The following TUBGCP2 variants were observed in gnomAD, a reference collection of about 807,000 sequenced individuals.
TUBGCP2 encodes the protein gamma-tubulin complex component 2.
A neutral mutation model predicts 92.2 loss-of-function variants in TUBGCP2; 55 were observed. The ratio of observed to expected loss-of-function variants is 0.60; its 90% CI spans 0.48 to 0.75. The LOEUF (loss-of-function observed/expected upper bound fraction) is 0.75, where lower values mean the gene tolerates loss of function less well. Ranked by LOEUF, TUBGCP2 falls within the 30% of genes least tolerant of loss-of-function variation. The pLI, the probability that TUBGCP2 is intolerant of heterozygous loss-of-function variation, is 0.00. For missense variants in TUBGCP2, 1,093 were observed against 1,188.9 expected (o/e 0.92, Z 1.19); for synonymous variants, 533 against 505.2 (o/e 1.06, Z -0.74).
Position 133,289,922 on chromosome 10 carries a change from T to G in TUBGCP2, c.1262A>C (p.Glu421Ala). 4 of 1,564,572 alleles carry G rather than the reference T, an allele frequency of 2.6e-6. No individual in the cohort carries two copies. The highest frequency in any genetic ancestry group is 3.5e-6 in the Non-Finnish European group (4 of 1,155,040). The part of the protein sequence containing the change: ...EHELRKERIQ[E>A]DYNDKYWDQR... ...GTCCCAGTACTTGTCGTTGTAATCC[T>G]CCTGGATCCTCTCCTTCCGCAGCTC... Residue 421 changes from glutamate (E) to alanine (A), a missense_variant, in exon 9 of 18, where the codon GAG (glutamate) becomes GCG (alanine). By Grantham distance (107) the Glu-to-Ala change is moderately radical. This residue lies in a region of TUBGCP2 where 598 missense variants were observed against 675.5 expected (regional missense o/e 0.89). Coordinates refer to ENST00000252936, the MANE Select transcript of TUBGCP2 (RefSeq NM_006659.4).
upstream of TUBGCP2, chr10:133,310,592 T>C (rs1847968952): frequency 1.2e-5 from 5 of 404,270 alleles, no homozygotes; most frequent in Non-Finnish European, 1.8e-5. Flanking sequence ...GGGCCATGCC[T>C]GTACCTCCTG....
At chr10:133,303,763 C>T (rs144100163) in intron 1 of TUBGCP2, among the ~76,000 whole-genome samples, 38 of 152,196 alleles carry the variant, frequency 2.5e-4, no homozygotes, top group African/African-American at 7.7e-4. Context: ...CCGACAGAGA[C>T]GCTTCTGGTA....
Position 133,279,775 on chromosome 10 carries a change from G to A in TUBGCP2, c.2700C>T (p.Thr900=), listed in dbSNP as rs749253324. Residue 900 remains threonine, a synonymous_variant, in exon 18 of 18, where the codon ACC becomes ACT. Transcript: ENST00000252936. ...PPAPAPRVAV[T]AQ Reference sequence around the variant, plus strand: ...CTGTCACAGCCAGGGCTCACTGTGCGGTGACTGCGACCCTGGGTGCAGGAG... The same window carrying A: ...CTGTCACAGCCAGGGCTCACTGTGCAGTGACTGCGACCCTGGGTGCAGGAG... The A allele has an allele frequency of 4.0e-5, 62 of 1,558,660 alleles. 1 individual carries two copies. The Admixed American group carries it at 7.5e-4, about 19-fold the overall frequency.
intron 13 of TUBGCP2, 96 bp downstream of exon 13, chr10:133,284,989 G>A: frequency 6.7e-7 from 1 of 1,488,612 alleles, no homozygotes; most frequent in Non-Finnish European, 8.9e-7. Flanking sequence ...CTAGAAAGCT[G>A]TCTACCAGGA....
At chr10:133,309,665 G>C (rs1185893455), upstream of TUBGCP2, 15 of 1,371,190 alleles carry the variant, frequency 1.1e-5, no homozygotes, top group Middle Eastern at 2.4e-4. Flanking sequence ...GTTTGGGATT[G>C]CAAAAGATGC....
In TUBGCP2 at chr10:133,284,949, C is replaced by T. The variant is rs573416273; in HGVS notation, c.2024+136G>A. On this transcript the variant is annotated intron_variant, in intron 13 of 17. Transcript: ENST00000252936. ...AGCATTATGGATCTAAAGCCACCAACGTGCGCTTCCAGATGACACTTCCAG... is the reference window on the plus strand; with the variant it reads ...AGCATTATGGATCTAAAGCCACCAATGTGCGCTTCCAGATGACACTTCCAG... The T allele has an allele frequency of 2.3e-3, 3,060 of 1,317,526 alleles. 4 individuals are homozygous for T. Among genetic ancestry groups the T allele is most frequent in the Middle Eastern group, 3.3e-3 (12 of 3,620 alleles). The allele number at this position is 1,317,526 out of a possible 1,614,324, so 81.6% of individuals were successfully genotyped here.
chr10:133,294,621 CTTTT>C (rs1168972072), intron 5 of TUBGCP2, among the ~76,000 whole-genome samples: 4 of 150,812 alleles, frequency 2.7e-5, no homozygotes, highest in Admixed American at 1.3e-4. Context: ...TTTTTTTTTC[CTTTT>C]TTTATTTTTG....
upstream of TUBGCP2, chr10:133,312,255 G>A (rs1334052483): frequency 2.5e-5 from 33 of 1,331,578 alleles, no homozygotes; most frequent in Middle Eastern, 2.9e-4. Flanking sequence ...GACCTGTGCC[G>A]TCTGCCTTTC....
intron 2 of TUBGCP2, 62 bp from the exon 3 acceptor site, chr10:133,300,175 C>T (rs1847608547): frequency 1.3e-6 from 2 of 1,561,332 alleles, no homozygotes; most frequent in African/African-American, 1.4e-5. Context: ...TAAAAAAAAA[C>T]CTTTACGAAA....
chr10:133,308,570 G>C (rs1847885301), intron 1 of TUBGCP2: 1 of 160,222 alleles, frequency 6.2e-6, no homozygotes. Context: ...GGGCTGGGAG[G>C]GGACACCCGG....
upstream of TUBGCP2, chr10:133,309,303 G>A: frequency 2.0e-6 from 3 of 1,496,366 alleles, no homozygotes; most frequent in Non-Finnish European, 2.7e-6. Flanking sequence ...AGCGCGGGAT[G>A]ACTGGGGCCA....
intron 2 of TUBGCP2, chr10:133,302,427 C>T: frequency 3.2e-6 from 1 of 308,556 alleles, no homozygotes; most frequent in Admixed American, 4.5e-5. Flanking sequence ...GCTCACCCTG[C>T]ACCCTGCACC....
chr10:133,281,107 G>A (rs1206257371), intron 17 of TUBGCP2, among the ~76,000 whole-genome samples, 166 bp downstream of exon 17: 1 of 65,544 alleles, frequency 1.5e-5, no homozygotes, highest in Non-Finnish European at 3.2e-5. Context: ...CAGGTGCTGG[G>A]CTGAGCTGGG....
intron 1 of TUBGCP2, among the ~76,000 whole-genome samples, chr10:133,306,900 C>A (rs1847832740): frequency 6.6e-6 from 1 of 152,224 alleles, no homozygotes; most frequent in South Asian, 2.1e-4. Flanking sequence ...GAGGAGCCTG[C>A]TGCTCTCCCT....
chr10:133,312,193 C>T, upstream of TUBGCP2: 1 of 1,413,620 alleles, frequency 7.1e-7, no homozygotes, highest in Non-Finnish European at 9.2e-7. Flanking sequence ...TCTAGCGTCA[C>T]CTGTGCCGTC....
chr10:133,290,255 G>A (rs1847251026), intron 8 of TUBGCP2: 1 of 348,688 alleles, frequency 2.9e-6, no homozygotes, highest in African/African-American at 2.0e-5. Context: ...AGCACTTTGG[G>A]AGGCTGAGGT....
chr10:133,288,471 C>T (rs530242801), intron 10 of TUBGCP2, among the ~76,000 whole-genome samples, 162 bp from the exon 11 acceptor site: 71 of 152,084 alleles, frequency 4.7e-4, no homozygotes, highest in Admixed American at 7.2e-4. Context: ...AGGGAGCAGG[C>T]GTGAGCACGT....
intron 10 of TUBGCP2, 144 bp from the exon 11 acceptor site, chr10:133,288,453 C>T: frequency 9.3e-7 from 1 of 1,071,674 alleles, no homozygotes; most frequent in African/African-American, 1.6e-5. Flanking sequence ...CAGGTGCCCG[C>T]CACGGCCAGG....
chr10:133,297,377 G>A (rs771701372), intron 5 of TUBGCP2: 27 of 444,696 alleles, frequency 6.1e-5, no homozygotes, highest in South Asian at 3.4e-4. Context: ...CAGCCTGGGC[G>A]ACAGAGCGAG....
Sources: gnomAD v4.1 joint callset for allele counts (sites outside exome capture counted in the v4.1 genomes callset) on GRCh38, gnomAD v4.1.1 for gene constraint, gnomAD v4.1.1 regional missense constraint, MANE v1.5 for transcripts, NCBI Gene and HGNC (gene_info 2026-07-23, HGNC 2026-07-21) for gene names.